The following CFAP46 variants were observed in gnomAD, a reference collection of about 807,000 sequenced individuals.
CFAP46 encodes cilia- and flagella-associated protein 46.
CFAP46 carries 245 observed loss-of-function variants against 325.7 expected under a neutral mutation model. The observed-to-expected ratio is 0.75, with a 90% CI of 0.68 to 0.84. The LOEUF (loss-of-function observed/expected upper bound fraction) is 0.84, where lower values mean the gene tolerates loss of function less well. Ranked by LOEUF, CFAP46 falls within the 40% of genes least tolerant of loss-of-function variation. The pLI, the probability that CFAP46 is intolerant of heterozygous loss-of-function variation, is 0.00. For missense variants in CFAP46, 3,346 were observed against 3,543.0 expected, an observed-to-expected ratio of 0.94 and a Z score of 1.41; for synonymous variants, 1,523 against 1,495.9, an observed-to-expected ratio of 1.02 and a Z score of -0.42.
At chr10:132,855,010 T>A (rs1173213724) in intron 39 of CFAP46, among the ~76,000 whole-genome samples, 1 of 152,230 alleles carries the variant, frequency 6.6e-6, no homozygotes, top group African/African-American at 2.4e-5. Context: ...TGTTGTTGGG[T>A]GAACGTTCTA....
intron 22 of CFAP46, among the ~76,000 whole-genome samples, chr10:132,904,378 C>T (rs117007264): frequency 0.013 from 1,836 of 136,158 alleles, 11 homozygotes; most frequent in Middle Eastern, 0.022. Context: ...GCCAACACTG[C>T]GCCCAGGGCA....
rs1413798008 is a variant in CFAP46 at position 132,919,045 on chromosome 10, G to T, written c.1858+270C>A. On this transcript the variant is annotated intron_variant, in intron 15 of 57. Transcript: ENST00000368586. This position sits in a 1 kb window ranked among gnomAD's most constrained non-coding sequence, Gnocchi z 9.7. ...GCATGGGCATCTGCTCACTGGCTGT[G>T]GTGGCCCCTGCCTGAGCCTCCGAGG... Among the ~76,000 whole-genome samples, 5 of 152,142 alleles carry T rather than the reference G, an allele frequency of 3.3e-5. No homozygotes were observed. The highest frequency in any genetic ancestry group is 7.4e-5 in the Non-Finnish European group (5 of 68,026).
chr10:132,910,569 C>T (rs1241952839), intron 19 of CFAP46, among the ~76,000 whole-genome samples: 1 of 152,248 alleles, frequency 6.6e-6, no homozygotes, highest in Non-Finnish European at 1.5e-5. Context: ...GCCTCAGTTT[C>T]CTCATCTCTA....
chr10:132,935,375 A>G (rs1423084658), intron 7 of CFAP46, among the ~76,000 whole-genome samples: 3 of 122,340 alleles, frequency 2.5e-5, no homozygotes, highest in Non-Finnish European at 5.2e-5. Flanking sequence ...GCACCCAAAC[A>G]CACTGTGATC....
At chr10:132,821,007 C>CTG (rs1847798764) in intron 50 of CFAP46, among the ~76,000 whole-genome samples, 1 of 97,598 alleles carries the variant, frequency 1.0e-5, no homozygotes, top group Non-Finnish European at 1.9e-5. Context: ...CTGATGTGTG[C>CTG]TGTGTGTGCT....
chr10:132,855,834 G>C (rs1255313145), intron 39 of CFAP46, among the ~76,000 whole-genome samples: 1 of 152,154 alleles, frequency 6.6e-6, no homozygotes, highest in African/African-American at 2.4e-5. Flanking sequence ...ATGCTACATT[G>C]TTATTATTGT....
In CFAP46 at chr10:132,835,874, C is replaced by G. The variant is rs1431629365; in HGVS notation, c.6613+268G>C. On this transcript the variant is annotated intron_variant, in intron 46 of 57. Transcript: ENST00000368586. The stretch of plus-strand genomic sequence containing the variant: ...TCCCCTCCCGAAACCACTCCCCTCC[C>G]GCCCCTGCTCCCCCTTCCCCATGCT... Among the ~76,000 whole-genome samples the G allele has an allele frequency of 2.8e-5, 4 of 140,898 alleles. 1 individual carries two copies. The allele number at this position is 140,898 out of a possible 152,430, so 92.4% of individuals were successfully genotyped here. A position where few individuals can be genotyped will look rare whatever the true frequency, so the allele number is the denominator to read the frequency against.
chr10:132,810,699 C>T (rs1343100510), intron 56 of CFAP46: 6 of 730,552 alleles, frequency 8.2e-6, no homozygotes, highest in African/African-American at 1.7e-5. Flanking sequence ...TCAACGGGCT[C>T]CTCCAGGGAC....
At chr10:132,842,549 C>T (rs1848362386) in intron 44 of CFAP46, among the ~76,000 whole-genome samples, 1 of 152,214 alleles carries the variant, frequency 6.6e-6, no homozygotes, top group Non-Finnish European at 1.5e-5. Flanking sequence ...TCAGCCTCTG[C>T]TCATTACTCA....
chr10:132,941,250 C>T (rs551728322), intron 3 of CFAP46, among the ~76,000 whole-genome samples, 190 bp from the exon 4 acceptor site: 60 of 152,162 alleles, frequency 3.9e-4, no homozygotes, highest in Non-Finnish European at 7.1e-4. Flanking sequence ...CCCGGGTTCC[C>T]GTCCCGCAGA....
chr10:132,860,788 T>G lies in CFAP46; in HGVS notation c.5085A>C (p.Glu1695Asp), dbSNP rs1390482451. The G allele has an allele frequency of 5.8e-6, 9 of 1,550,754 alleles. No individual in the cohort carries two copies. In the African/African-American group the frequency reaches 1.2e-4, roughly 21 times the overall value. ...AGGTCCCCGTGCCTCTTACCGTAGCTTCCCTTCCTGAGTGTTCCATGGACA... is the reference window on the plus strand; with the variant it reads ...AGGTCCCCGTGCCTCTTACCGTAGCGTCCCTTCCTGAGTGTTCCATGGACA... ...ALLSMEHSGR[E>D]ATVCHIFQKL... The change falls in exon 36 of 58, where the codon GAA becomes GAC. Residue 1695 changes from glutamate (E) to aspartate (D), a missense_variant. By Grantham distance (45) the Glu-to-Asp change is conservative. Coordinates refer to ENST00000368586, the MANE Select transcript of CFAP46 (RefSeq NM_001200049.3).
intron 44 of CFAP46, among the ~76,000 whole-genome samples, chr10:132,838,118 G>C (rs552260197): frequency 1.3e-5 from 2 of 152,216 alleles, no homozygotes; most frequent in African/African-American, 4.8e-5. Flanking sequence ...CAGCAGCTCC[G>C]GCCCGTCCGC....
At chr10:132,861,164 C>T (rs73391301) in intron 35 of CFAP46, among the ~76,000 whole-genome samples, 182 bp from the exon 36 acceptor site, 12,011 of 152,298 alleles carry the variant, frequency 0.079, 1,212 homozygotes, top group African/African-American at 0.23. Flanking sequence ...TGGCCGCCCT[C>T]GCACTCCCTG....
chr10:132,921,215 T>A (rs1377751537), intron 13 of CFAP46, among the ~76,000 whole-genome samples: 1 of 152,200 alleles, frequency 6.6e-6, no homozygotes, highest in Non-Finnish European at 1.5e-5. Flanking sequence ...AGCCGCCGGC[T>A]GCTGGGCACT....
intron 4 of CFAP46, among the ~76,000 whole-genome samples, chr10:132,940,480 C>T (rs936805312): frequency 6.6e-5 from 10 of 152,126 alleles, no homozygotes; most frequent in South Asian, 2.1e-4. Flanking sequence ...CCAAGTTGTC[C>T]GCTAGGGAGC....
chr10:132,880,264 G>A (rs1849020307), intron 28 of CFAP46, among the ~76,000 whole-genome samples: 1 of 152,236 alleles, frequency 6.6e-6, no homozygotes, highest in African/African-American at 2.4e-5. Flanking sequence ...ACCCTGGGCT[G>A]ATGCCCAGGC....
intron 15 of CFAP46, among the ~76,000 whole-genome samples, chr10:132,918,824 G>C (rs561132380): frequency 6.6e-6 from 1 of 152,246 alleles, no homozygotes; most frequent in Non-Finnish European, 1.5e-5. Flanking sequence ...TGCCTTCTTG[G>C]GGGGTGCCCT....
intron 28 of CFAP46, among the ~76,000 whole-genome samples, chr10:132,879,899 C>T (rs1310923055): frequency 6.6e-6 from 1 of 152,160 alleles, no homozygotes; most frequent in Non-Finnish European, 1.5e-5. Context: ...AGCTCTCCTG[C>T]TGCCCTGTGT....
At chr10:132,920,980 G>A (rs1048237592) in intron 13 of CFAP46, among the ~76,000 whole-genome samples, 1 of 152,240 alleles carries the variant, frequency 6.6e-6, no homozygotes, top group African/African-American at 2.4e-5. Flanking sequence ...ACTCATTAGG[G>A]CAAAATGAAA....
Sources: allele counts gnomAD v4.1 joint callset (sites outside exome capture counted in the v4.1 genomes callset), GRCh38; gene constraint gnomAD v4.1.1; non-coding constraint Gnocchi (gnomAD v3.1); transcripts MANE v1.5; gene names NCBI Gene and HGNC (gene_info 2026-07-23, HGNC 2026-07-21).